Variants in MTUS2 observed in about 807,000 individuals in gnomAD.
The protein encoded by MTUS2 is microtubule associated scaffold protein 2, also known as microtubule-associated tumor suppressor candidate 2.
A neutral mutation model predicts 114.1 loss-of-function variants in MTUS2; 40 were observed. The ratio of observed to expected loss-of-function variants is 0.35; its 90% CI spans 0.27 to 0.46. The LOEUF (loss-of-function observed/expected upper bound fraction) is 0.46. Ranked by LOEUF, MTUS2 falls within the 20% of genes least tolerant of loss-of-function variation. MTUS2 has a pLI of 1.00. For synonymous variants in MTUS2, 688 were observed against 672.0 expected (o/e 1.02, Z -0.37); for missense variants, 1,679 against 1,705.4 (o/e 0.98, Z 0.27).
intron 4 of MTUS2, among the ~76,000 whole-genome samples, chr13:29,049,920 A>G (rs2138596928): frequency 6.6e-6 from 1 of 152,346 alleles, no homozygotes; most frequent in South Asian, 2.1e-4. Flanking sequence ...CCAGGTTGAA[A>G]AAGAGCCTGC....
At chr13:28,865,911 A>G (rs1355098559) in intron 2 of MTUS2, among the ~76,000 whole-genome samples, 1 of 152,166 alleles carries the variant, frequency 6.6e-6, no homozygotes, top group Non-Finnish European at 1.5e-5. Flanking sequence ...TCTCTGGAAA[A>G]CAATACTAGA....
chr13:28,965,705 A>C (rs907681904), intron 2 of MTUS2, among the ~76,000 whole-genome samples: 8 of 152,202 alleles, frequency 5.3e-5, no homozygotes, highest in Non-Finnish European at 1.2e-4. Flanking sequence ...CCTGCAGGGT[A>C]GGTGAGCAGG....
At chr13:29,130,294 A>G (rs974267207) in intron 5 of MTUS2, among the ~76,000 whole-genome samples, 1 of 152,084 alleles carries the variant, frequency 6.6e-6, no homozygotes, top group Non-Finnish European at 1.5e-5. Context: ...CCACAGCCCC[A>G]TGTTATCTGG....
In MTUS2 at chr13:29,480,385, G is replaced by A. The variant is rs202090497; in HGVS notation, c.3399+21G>A. The stretch of plus-strand genomic sequence containing the variant: ...AGCAGGTCAGTCTGCAGTGCGGCTC[G>A]AGCTCTGCTGTTGGGTGATGCAGGT... On this transcript the variant is annotated intron_variant, in intron 10 of 15. Transcript: ENST00000612955. This position sits in a 1 kb window ranked among gnomAD's most constrained non-coding sequence, Gnocchi z 4.4. 7.4e-6 allele frequency: 11 copies of A among 1,495,142 alleles called. No individual in the cohort carries two copies. In the East Asian group the frequency reaches 2.0e-4, roughly 27 times the overall value. 92.6% of individuals were successfully genotyped at this position (1,495,142 alleles called of 1,614,324 possible).
At chr13:29,429,975 A>C (rs1425823878) in intron 8 of MTUS2, among the ~76,000 whole-genome samples, 1 of 152,226 alleles carries the variant, frequency 6.6e-6, no homozygotes, top group Non-Finnish European at 1.5e-5. Flanking sequence ...TTGCTCTAAT[A>C]GAAATAACTA....
intron 2 of MTUS2, among the ~76,000 whole-genome samples, chr13:29,013,492 C>T (rs1383845095): frequency 1.3e-5 from 2 of 152,084 alleles, no homozygotes; most frequent in Admixed American, 6.6e-5. Flanking sequence ...TAGATCAATC[C>T]CATGCTTTAT....
rs933997224 is a variant in MTUS2 at position 29,059,635 on chromosome 13, G to A, written c.2446+25510G>A. On this transcript the variant is annotated intron_variant, in intron 4 of 15. Transcript: ENST00000612955. ...TGTTTCCAAGGCAATAGGAGGCTGT[G>A]CCACTTGGCAAATTCAGGTAGAAGT... Among the ~76,000 whole-genome samples the A allele has an allele frequency of 2.5e-4, 38 of 152,180 alleles. 1 individual carries two copies. The highest frequency in any genetic ancestry group is 9.2e-4 in the African/African-American group (38 of 41,430).
chr13:28,830,433 A>G (rs1041400791), intron 1 of MTUS2, among the ~76,000 whole-genome samples: 3 of 152,164 alleles, frequency 2.0e-5, no homozygotes, highest in Non-Finnish European at 2.9e-5. Flanking sequence ...CAAATAGAGA[A>G]TATCAATAAA....
chr13:29,063,472 G>T (rs1174596223), intron 4 of MTUS2, among the ~76,000 whole-genome samples: 5 of 152,124 alleles, frequency 3.3e-5, no homozygotes, highest in Non-Finnish European at 7.4e-5. Flanking sequence ...AATAACCAGA[G>T]AAATTCAATC....
At chr13:29,350,693 A>AT (rs1869157198) in intron 7 of MTUS2, among the ~76,000 whole-genome samples, 1 of 151,472 alleles carries the variant, frequency 6.6e-6, no homozygotes, top group Non-Finnish European at 1.5e-5. Flanking sequence ...TAAACAACAG[A>AT]TTTTTTTTCT....
rs1299811194 is a variant in MTUS2, at chr13:29,496,628, G to A, written c.3580-610G>A. Among the ~76,000 whole-genome samples the A allele has an allele frequency of 2.6e-5, 4 of 152,174 alleles. No individual in the cohort carries two copies. Among genetic ancestry groups the A allele is most frequent in the Admixed American group, 1.3e-4 (2 of 15,288 alleles). On this transcript the variant is annotated intron_variant, in intron 12 of 15. Transcript: ENST00000612955. The surrounding 1 kb of genome is among the most constrained non-coding windows in gnomAD (Gnocchi z 4.3). ...GCCTGACTGCAGTGTGAGGGCAAAA[G>A]AGTGGTAATTCAGAGAAAAAGAGGA...
chr13:29,153,965 G>A (rs940248275), intron 5 of MTUS2, among the ~76,000 whole-genome samples: 2 of 152,170 alleles, frequency 1.3e-5, no homozygotes, highest in African/African-American at 4.8e-5. Flanking sequence ...TATTGAGGTG[G>A]CTCAGAGAAA....
At chr13:28,840,239 G>T (rs953661041) in intron 2 of MTUS2, among the ~76,000 whole-genome samples, 1 of 152,134 alleles carries the variant, frequency 6.6e-6, no homozygotes, top group Admixed American at 6.5e-5. Context: ...TTAAGTAGGG[G>T]ATGTGCCTGA....
At position 29,365,935 on chromosome 13, in the gene MTUS2, T is replaced by C. The variant is rs559825720; in HGVS notation, c.3117+6462T>C. ...CATGACTCTCTAACAAGAGGAGATATGGTTTTCTCAGCCCCAGAACCTCTT... is the reference window on the plus strand; with the variant it reads ...CATGACTCTCTAACAAGAGGAGATACGGTTTTCTCAGCCCCAGAACCTCTT... On this transcript the variant is annotated intron_variant, in intron 8 of 15. Coordinates refer to ENST00000612955, the MANE Select transcript of MTUS2 (RefSeq NM_001033602.4). Among the ~76,000 whole-genome samples the C allele has an allele frequency of 6.6e-5, 10 of 152,306 alleles. No homozygotes were observed. In the East Asian group the frequency reaches 1.7e-3, roughly 26 times the overall value.
intron 2 of MTUS2, among the ~76,000 whole-genome samples, chr13:28,935,009 T>G (rs945410218): frequency 7.2e-6 from 1 of 139,526 alleles, no homozygotes; most frequent in Admixed American, 7.0e-5. Context: ...CCATAGCGTT[T>G]TTTTTTTTTT....
chr13:28,878,930 A>G (rs1296200801), intron 2 of MTUS2, among the ~76,000 whole-genome samples: 2 of 152,194 alleles, frequency 1.3e-5, no homozygotes, highest in Non-Finnish European at 2.9e-5. Flanking sequence ...TGGTTGAACT[A>G]CTTACACTCT....
intron 5 of MTUS2, among the ~76,000 whole-genome samples, chr13:29,243,766 G>C (rs559369332): frequency 4.8e-4 from 73 of 152,268 alleles, no homozygotes; most frequent in Non-Finnish European, 7.9e-4. Context: ...AAAGCAGTTG[G>C]GGGGATGCCG....
Position 29,201,869 on chromosome 13 carries a change from A to C in MTUS2, c.2645-79835A>C, listed in dbSNP as rs947076906. Among the ~76,000 whole-genome samples the C allele has an allele frequency of 6.4e-4, 98 of 152,060 alleles. 1 individual carries two copies. Among genetic ancestry groups the C allele is most frequent in the African/African-American group, 2.3e-3 (95 of 41,390 alleles). ...TGGCTTGTATGGTTTCTGCGGAGAG[A>C]TCTGCTGTTAGTCTGATGGGCTTCC... On this transcript the variant is annotated intron_variant, in intron 5 of 15. Transcript: ENST00000612955.
intron 2 of MTUS2, among the ~76,000 whole-genome samples, chr13:29,010,886 T>A (rs1885809882): frequency 6.6e-6 from 1 of 152,142 alleles, no homozygotes; most frequent in South Asian, 2.1e-4. Flanking sequence ...TGGAGGACTA[T>A]GTGGGCTGCT....
Sources: allele counts gnomAD v4.1 joint callset (sites outside exome capture counted in the v4.1 genomes callset), GRCh38; gene constraint gnomAD v4.1.1; non-coding constraint Gnocchi (gnomAD v3.1); transcripts MANE v1.5; gene names NCBI Gene and HGNC (gene_info 2026-07-23, HGNC 2026-07-21).